The following LRRC28 variants were observed in gnomAD, a reference collection of about 807,000 sequenced individuals.
LRRC28 encodes the protein leucine rich repeat containing 28, also known as leucine-rich repeat-containing protein 28.
LRRC28 carries 39 observed loss-of-function variants against 45.7 expected under a neutral mutation model. That is an observed-to-expected ratio of 0.85 (90% CI 0.66 to 1.12). The LOEUF (loss-of-function observed/expected upper bound fraction) is 1.12. Among genes scored for constraint, LRRC28 ranks in the 50% most tolerant of loss-of-function variants. The probability of loss-of-function intolerance (pLI) is 0.00; values close to 1 mark genes in which losing one functional copy is unlikely to be tolerated. For missense variants in LRRC28, 435 were observed against 438.5 expected, an observed-to-expected ratio of 0.99 and a Z score of 0.07; for synonymous variants, 206 against 178.8, an observed-to-expected ratio of 1.15 and a Z score of -1.22.
At chr15:99,284,343 G>A (rs2081897754) in intron 3 of LRRC28, among the ~76,000 whole-genome samples, 2 of 150,348 alleles carry the variant, frequency 1.3e-5, no homozygotes, top group Admixed American at 6.7e-5. Context: ...GCAATCAACA[G>A]CATGAGTGCA....
intron 2 of LRRC28, chr15:99,258,198 G>A (rs931934621): frequency 3.1e-6 from 5 of 1,611,970 alleles, no homozygotes; most frequent in Non-Finnish European, 3.4e-6. Flanking sequence ...GAATTGATTG[G>A]CCAGTTTGGT....
intron 5 of LRRC28, among the ~76,000 whole-genome samples, chr15:99,314,301 G>T (rs957056143): frequency 6.6e-6 from 1 of 152,026 alleles, no homozygotes; most frequent in African/African-American, 2.4e-5. Context: ...GCAAGGAAAT[G>T]GTGACACATG....
At chr15:99,372,037 T>G (rs867789904) in intron 9 of LRRC28, among the ~76,000 whole-genome samples, 1 of 152,362 alleles carries the variant, frequency 6.6e-6, no homozygotes, top group Middle Eastern at 3.4e-3. Flanking sequence ...AATATGTTAT[T>G]AGATGATTCT....
In LRRC28 at chr15:99,386,615, C is replaced by A. The variant is rs535811981; in HGVS notation, c.*513C>A. 1.3e-5 allele frequency: 2 copies of A among 152,830 alleles called. No individual in the cohort carries two copies. The highest frequency in any genetic ancestry group is 2.9e-5 in the Non-Finnish European group (2 of 68,520). 9.5% of individuals were successfully genotyped at this position (152,830 alleles called of 1,614,324 possible). On this transcript the variant is annotated 3_prime_UTR_variant, in exon 10 of 10. Coordinates refer to ENST00000301981, the MANE Select transcript of LRRC28 (RefSeq NM_144598.5). ...AATGGTCTTGAGTAGCAGGGTGGGGCGCCTGAGTTGGCAGCAAAGTGAGGC... is the reference window on the plus strand; with the variant it reads ...AATGGTCTTGAGTAGCAGGGTGGGGAGCCTGAGTTGGCAGCAAAGTGAGGC...
intron 5 of LRRC28, among the ~76,000 whole-genome samples, chr15:99,307,567 T>C (rs573265964): frequency 1.3e-5 from 2 of 152,328 alleles, no homozygotes; most frequent in Non-Finnish European, 2.9e-5. Flanking sequence ...AATGTAAAAG[T>C]TGTTACATAT....
chr15:99,293,596 A>C lies in LRRC28; in HGVS notation c.385+5645A>C, dbSNP rs1451777193. Reference sequence around the variant, plus strand: ...CAACAAGAACGAAACTCTGTCACAAAAAAAAAAAAAAAAAAAAAAAAAAAA... The same window carrying C: ...CAACAAGAACGAAACTCTGTCACAACAAAAAAAAAAAAAAAAAAAAAAAAA... On this transcript the variant is annotated intron_variant, in intron 5 of 9. Transcript: ENST00000301981. Among the ~76,000 whole-genome samples, 42 of 56,304 alleles carry C rather than the reference A, an allele frequency of 7.5e-4. 2 individuals carry two copies. Among genetic ancestry groups the C allele is most frequent in the African/African-American group, 4.1e-3 (41 of 9,990 alleles). 36.9% of individuals were successfully genotyped at this position (56,304 alleles called of 152,430 possible).
Position 99,276,441 on chromosome 15 carries a change from A to G in LRRC28, c.169-135A>G, listed in dbSNP as rs1188879614. ...TGGTCTCTGTAAGAATAAAACCCAG[A>G]CCTGCTGATTAATTATTTTCACATT... On this transcript the variant is annotated intron_variant, in intron 2 of 9. Transcript: ENST00000301981. 8.6e-6 allele frequency: 5 copies of G among 584,302 alleles called. No individual in the cohort carries two copies. In the Admixed American group the frequency reaches 1.9e-4, roughly 22 times the overall value. The allele number at this position is 584,302 out of a possible 1,614,324, so 36.2% of individuals were successfully genotyped here.
intron 3 of LRRC28, among the ~76,000 whole-genome samples, chr15:99,282,097 T>C (rs7164003): frequency 0.81 from 122,571 of 151,064 alleles, 49,996 homozygotes; most frequent in African/African-American, 0.9. Flanking sequence ...CTGTATCCTG[T>C]TAGAGTTTTT....
chr15:99,259,126 A>G (rs2081115442), intron 2 of LRRC28: 2 of 1,324,268 alleles, frequency 1.5e-6, no homozygotes, highest in South Asian at 1.2e-5. Context: ...CGAATCGAAC[A>G]TGTCTTGCTA....
intron 2 of LRRC28, among the ~76,000 whole-genome samples, chr15:99,273,073 T>C (rs562794501): frequency 2.4e-4 from 36 of 152,326 alleles, no homozygotes; most frequent in African/African-American, 8.2e-4. Context: ...GTGTAAAAAT[T>C]AAAACGTATA....
intron 5 of LRRC28, among the ~76,000 whole-genome samples, chr15:99,323,525 T>C (rs1386621595): frequency 1.3e-5 from 2 of 152,190 alleles, no homozygotes; most frequent in Non-Finnish European, 2.9e-5. Flanking sequence ...ATATTTCAAG[T>C]GAATCTGAAT....
At chr15:99,361,595 T>C in intron 8 of LRRC28, 84 bp downstream of exon 8, 2 of 1,180,318 alleles carry the variant, frequency 1.7e-6, no homozygotes, top group Non-Finnish European at 2.3e-6. Flanking sequence ...CGTTCATCTT[T>C]AAAAAAAAAA....
intron 5 of LRRC28, among the ~76,000 whole-genome samples, chr15:99,314,847 A>G (rs1955540088): frequency 6.6e-6 from 1 of 152,204 alleles, no homozygotes; most frequent in Admixed American, 6.6e-5. Context: ...TCTTTCTGGT[A>G]TTAGCATTTT....
intron 5 of LRRC28, among the ~76,000 whole-genome samples, chr15:99,289,812 A>G (rs1414200121): frequency 3.0e-4 from 45 of 150,456 alleles, no homozygotes; most frequent in South Asian, 2.1e-4. Flanking sequence ...GGGCGCCTGT[A>G]GTCCCAGCTA....
chr15:99,321,494 T>C (rs771779130), intron 5 of LRRC28, among the ~76,000 whole-genome samples: 5 of 152,186 alleles, frequency 3.3e-5, no homozygotes, highest in Non-Finnish European at 5.9e-5. Context: ...TCACTTGCAT[T>C]CACAGAGATA....
At chr15:99,289,531 T>C (rs1475679133) in intron 5 of LRRC28, among the ~76,000 whole-genome samples, 1 of 152,216 alleles carries the variant, frequency 6.6e-6, no homozygotes, top group African/African-American at 2.4e-5. Flanking sequence ...AAATCTATGG[T>C]ATTTCTTTGT....
chr15:99,333,610 A>C (rs978479672), intron 5 of LRRC28: 4 of 346,920 alleles, frequency 1.2e-5, no homozygotes, highest in African/African-American at 8.3e-5. Context: ...CCCTGGCAAC[A>C]AACTTGACTC....
At chr15:99,343,692 G>A (rs2152306978) in intron 6 of LRRC28, among the ~76,000 whole-genome samples, 2 of 152,254 alleles carry the variant, frequency 1.3e-5, no homozygotes, top group South Asian at 2.1e-4. Context: ...ATTGCGTGAT[G>A]TATCTATTGT....
intron 5 of LRRC28, among the ~76,000 whole-genome samples, chr15:99,309,287 A>G (rs1955309187): frequency 6.6e-6 from 1 of 152,238 alleles, no homozygotes; most frequent in Non-Finnish European, 1.5e-5. Flanking sequence ...TTCAAAAAAC[A>G]GAGTGACCCT....
Sources: gnomAD v4.1 joint callset for allele counts (sites outside exome capture counted in the v4.1 genomes callset) on GRCh38, gnomAD v4.1.1 for gene constraint, MANE v1.5 for transcripts, NCBI Gene and HGNC (gene_info 2026-07-23, HGNC 2026-07-21) for gene names.